The following MSRB2 variants were observed in gnomAD, a reference collection of about 807,000 sequenced individuals.
MSRB2 encodes methionine-R-sulfoxide reductase B2, mitochondrial.
A neutral mutation model predicts 19.0 loss-of-function variants in MSRB2; 17 were observed. That is an observed-to-expected ratio of 0.89 (90% CI 0.61 to 1.34). The LOEUF (loss-of-function observed/expected upper bound fraction) is 1.34, where lower values mean the gene tolerates loss of function less well. Among genes scored for constraint, MSRB2 ranks in the 40% most tolerant of loss-of-function variants. The pLI is 0.00. For missense variants in MSRB2, 208 were observed against 237.6 expected, an observed-to-expected ratio of 0.88 and a Z score of 0.82; for synonymous variants, 107 against 99.7, an observed-to-expected ratio of 1.07 and a Z score of -0.44.
At chr10:23,112,859 C>T (rs559628538) in intron 3 of MSRB2, among the ~76,000 whole-genome samples, 1 of 152,356 alleles carries the variant, frequency 6.6e-6, no homozygotes, top group African/African-American at 2.4e-5. Flanking sequence ...GCTGGGATTA[C>T]AGGCGTGAGC....
At chr10:23,096,096 G>C (rs1839863245) in intron 1 of MSRB2, among the ~76,000 whole-genome samples, 1 of 152,112 alleles carries the variant, frequency 6.6e-6, no homozygotes, top group African/African-American at 2.4e-5. Context: ...CGGCCCGCGC[G>C]CCCCTGCGAA....
At chr10:23,108,383 T>C (rs928368980) in intron 2 of MSRB2, among the ~76,000 whole-genome samples, 14 of 152,182 alleles carry the variant, frequency 9.2e-5, no homozygotes, top group Non-Finnish European at 1.8e-4. Flanking sequence ...CTGGATCCTA[T>C]GAAAAGGCTT....
intron 3 of MSRB2, 21 bp downstream of exon 3, chr10:23,110,339 C>T: frequency 6.2e-7 from 1 of 1,600,420 alleles, no homozygotes; most frequent in Non-Finnish European, 8.6e-7. Flanking sequence ...GAATTGAGAG[C>T]CACGGAAGGA....
At chr10:23,097,692 G>T (rs1246920854) in intron 1 of MSRB2, among the ~76,000 whole-genome samples, 2 of 152,192 alleles carry the variant, frequency 1.3e-5, no homozygotes. Context: ...TTAAACTTCA[G>T]ATTTTTTTTC....
In MSRB2 at chr10:23,121,057, A is replaced by G. The variant is rs1840176426; in HGVS notation, c.*195A>G. 2.1e-6 allele frequency: 1 copy of G among 478,236 alleles called. No individual in the cohort carries two copies. Among genetic ancestry groups the G allele is most frequent in the Non-Finnish European group, 3.7e-6 (1 of 269,940 alleles). The allele number at this position is 478,236 out of a possible 1,614,324, so 29.6% of individuals were successfully genotyped here. A position where few individuals can be genotyped will look rare whatever the true frequency, so the allele number is the denominator to read the frequency against. On this transcript the variant is annotated 3_prime_UTR_variant, in exon 5 of 5. Transcript: ENST00000376510. ...TGTGTTAGGCTGTTCTTGTGTTGCTATAAAGAAGTACCTGATCAGGATCTG... is the reference window on the plus strand; with the variant it reads ...TGTGTTAGGCTGTTCTTGTGTTGCTGTAAAGAAGTACCTGATCAGGATCTG...
intron 3 of MSRB2, among the ~76,000 whole-genome samples, chr10:23,114,437 A>G (rs531729597): frequency 6.6e-6 from 1 of 152,154 alleles, no homozygotes; most frequent in African/African-American, 2.4e-5. Flanking sequence ...CTTACATGCC[A>G]GACACTGGGC....
rs560833189 is a variant in MSRB2 at position 23,120,804 on chromosome 10, A to G, written c.491A>G (p.Asn164Ser). The G allele has an allele frequency of 2.8e-5, 46 of 1,614,162 alleles. No individual in the cohort carries two copies. In the East Asian group the frequency reaches 3.6e-4, roughly 13 times the overall value. Residue 164 changes from asparagine to serine, a missense_variant, in exon 5 of 5, where the codon AAT (asparagine) becomes AGT (serine). By Grantham distance (46) the Asn-to-Ser change is conservative. Coordinates refer to ENST00000376510, the MANE Select transcript of MSRB2 (RefSeq NM_012228.4). ...GHVFPDGPGP[N>S]GQRFCINSVA... ...GTGTTTCCTGATGGACCTGGGCCCA[A>G]TGGTCAGAGGTTTTGCATCAACAGT...
chr10:23,096,248 G>A (rs989131556), intron 1 of MSRB2, among the ~76,000 whole-genome samples: 1 of 151,984 alleles, frequency 6.6e-6, no homozygotes, highest in Admixed American at 6.6e-5. Context: ...CTAAGAGCCA[G>A]GGAGACTGGG....
intron 1 of MSRB2, 101 bp downstream of exon 1, chr10:23,095,827 CCCT>C (rs1839855494): frequency 1.3e-6 from 1 of 773,078 alleles, no homozygotes; most frequent in Non-Finnish European, 1.7e-6. Flanking sequence ...CCGGGCGCTG[CCCT>C]CCTACTAAGC....
At chr10:23,118,338 T>C (rs1840137265) in intron 3 of MSRB2, among the ~76,000 whole-genome samples, 1 of 20,620 alleles carries the variant, frequency 4.8e-5, no homozygotes, top group Non-Finnish European at 9.4e-5. Context: ...TAGTTTTTTG[T>C]TTTTTTTTTT....
chr10:23,119,861 C>G (rs1301547373), intron 4 of MSRB2, among the ~76,000 whole-genome samples: 1 of 152,100 alleles, frequency 6.6e-6, no homozygotes, highest in Non-Finnish European at 1.5e-5. Context: ...TCCCAAAGTG[C>G]TGGGATTACA....
Position 23,121,213 on chromosome 10 carries a change from G to T in MSRB2, c.*351G>T, listed in dbSNP as rs140237689. On this transcript the variant is annotated 3_prime_UTR_variant, in exon 5 of 5. Coordinates refer to ENST00000376510, the MANE Select transcript of MSRB2 (RefSeq NM_012228.4). ...CACAGTTCTGCAGGGTGTACAGAAAGCATGGTGCCAGCATTTGCTCGGATT... is the reference window on the plus strand; with the variant it reads ...CACAGTTCTGCAGGGTGTACAGAAATCATGGTGCCAGCATTTGCTCGGATT... The T allele has an allele frequency of 2.0e-3, 390 of 194,706 alleles. 5 individuals are homozygous for T. Among genetic ancestry groups the T allele is most frequent in the African/African-American group, 8.4e-3 (360 of 42,826 alleles). The allele number at this position is 194,706 out of a possible 1,614,324, so 12.1% of individuals were successfully genotyped here. A position where few individuals can be genotyped will look rare whatever the true frequency, so the allele number is the denominator to read the frequency against.
chr10:23,114,554 G>A (rs1037402363), intron 3 of MSRB2, among the ~76,000 whole-genome samples: 49 of 152,256 alleles, frequency 3.2e-4, no homozygotes, highest in African/African-American at 1.1e-3. Context: ...CTTGTTCCAG[G>A]TCACTTGTCT....
chr10:23,097,293 G>A (rs1403817214), intron 1 of MSRB2, among the ~76,000 whole-genome samples: 1 of 152,212 alleles, frequency 6.6e-6, no homozygotes, highest in African/African-American at 2.4e-5. Flanking sequence ...GTTACTTCCT[G>A]GCTCTGTGTC....
intron 3 of MSRB2, among the ~76,000 whole-genome samples, chr10:23,111,496 G>A (rs1172960236): frequency 1.3e-5 from 2 of 152,152 alleles, no homozygotes; most frequent in African/African-American, 2.4e-5. Flanking sequence ...AATCATCCTC[G>A]CAAGAGCATT....
chr10:23,097,787 A>C (rs1839883392), intron 1 of MSRB2, among the ~76,000 whole-genome samples: 1 of 152,218 alleles, frequency 6.6e-6, no homozygotes, highest in African/African-American at 2.4e-5. Context: ...AATGCTTGAC[A>C]CTTAGGCACA....
chr10:23,119,323 T>G lies in MSRB2; in HGVS notation c.316T>G (p.Ser106Ala). The G allele has an allele frequency of 1.2e-6, 2 of 1,614,142 alleles. No homozygotes were observed. Among genetic ancestry groups the G allele is most frequent in the Non-Finnish European group, 1.7e-6 (2 of 1,180,004 alleles). The change falls in exon 4 of 5, where the codon TCT (serine) becomes GCT (alanine). Residue 106 changes from serine (S) to alanine (A), a missense_variant. Coordinates refer to ENST00000376510, the MANE Select transcript of MSRB2 (RefSeq NM_012228.4). ...PLFSSEKKYC[S>A]GTGWPSFSEA... ...CCACAGTTCTGAGAAAAAGTACTGC[T>G]CTGGCACTGGGTGGCCTTCGTTTTC...
intron 3 of MSRB2, chr10:23,118,999 T>C (rs1167862925): frequency 1.4e-5 from 7 of 511,420 alleles, no homozygotes; most frequent in African/African-American, 5.7e-5. Context: ...GTTTGATCTG[T>C]GTTACCTAAT....
At position 23,114,292 on chromosome 10, in the gene MSRB2, T is replaced by C. The variant is rs112949701; in HGVS notation, c.296+3974T>C. ...TTGAACCCAGGAGGTAGAGGTTTCA[T>C]TGAGCTGAGATTGAGCCACTGCACT... On this transcript the variant is annotated intron_variant, in intron 3 of 4. Transcript: ENST00000376510. 2.1e-3 allele frequency among the ~76,000 whole-genome samples: 310 copies of C among 150,930 alleles called. 4 individuals carry two copies. Among genetic ancestry groups the C allele is most frequent in the African/African-American group, 7.1e-3 (292 of 40,950 alleles).
Sources: gnomAD v4.1 joint callset for allele counts (sites outside exome capture counted in the v4.1 genomes callset) on GRCh38, gnomAD v4.1.1 for gene constraint, MANE v1.5 for transcripts, NCBI Gene and HGNC (gene_info 2026-07-23, HGNC 2026-07-21) for gene names.